The following RORB variants were observed in gnomAD, a reference collection of about 807,000 sequenced individuals.
RORB encodes the protein nuclear receptor ROR-beta.
RORB carries 6 observed loss-of-function variants against 59.1 expected under a neutral mutation model. That is an observed-to-expected ratio of 0.10 (90% CI 0.06 to 0.20). RORB has a LOEUF of 0.20. Ranked by LOEUF, RORB falls within the 10% of genes least tolerant of loss-of-function variation. The pLI, the probability that RORB is intolerant of heterozygous loss-of-function variation, is 1.00. For missense variants in RORB, 320 were observed against 560.5 expected (o/e 0.57, Z 4.33); for synonymous variants, 215 against 204.5 (o/e 1.05, Z -0.44).
chr9:74,589,254 T>G lies in RORB; in HGVS notation c.8-41028T>G, dbSNP rs78899025. ...ATTAAGGAAGTAGAGAGTTTCAATG[T>G]TTAAATGAAAGAATTTGTGGCCCTA... On this transcript the variant is annotated intron_variant, in intron 1 of 9. Transcript: ENST00000376896. Among the ~76,000 whole-genome samples, 1,507 of 152,326 alleles carry G rather than the reference T, an allele frequency of 9.9e-3. 20 individuals are homozygous for G. Among genetic ancestry groups the G allele is most frequent in the African/African-American group, 0.034 (1,398 of 41,574 alleles).
intron 1 of RORB, among the ~76,000 whole-genome samples, chr9:74,524,837 A>C (rs556017894): frequency 1.4e-4 from 22 of 151,964 alleles, no homozygotes; most frequent in Non-Finnish European, 2.7e-4. Context: ...TTTTTCTTTA[A>C]ATTTGTTAAA....
chr9:74,657,607 CT>C (rs1262295710), intron 4 of RORB, among the ~76,000 whole-genome samples: 1 of 152,196 alleles, frequency 6.6e-6, no homozygotes, highest in Non-Finnish European at 1.5e-5. Context: ...TTTCCTGCCC[CT>C]ACCCCCAGAC....
chr9:74,589,334 G>A (rs1822852903), intron 1 of RORB, among the ~76,000 whole-genome samples: 1 of 152,004 alleles, frequency 6.6e-6, no homozygotes, highest in South Asian at 2.1e-4. Flanking sequence ...TTCCATTCCC[G>A]AAATATGACT....
chr9:74,536,743 A>C (rs1826328226), intron 1 of RORB, among the ~76,000 whole-genome samples: 1 of 152,060 alleles, frequency 6.6e-6, no homozygotes, highest in Non-Finnish European at 1.5e-5. Flanking sequence ...AAATGTAAGA[A>C]ATACAAAAAG....
intron 1 of RORB, among the ~76,000 whole-genome samples, chr9:74,520,643 G>A (rs1826073217): frequency 6.6e-6 from 1 of 151,694 alleles, no homozygotes; most frequent in South Asian, 2.1e-4. Context: ...ATCATTATTT[G>A]ATACATAGCA....
chr9:74,654,303 G>A (rs1016085729), intron 4 of RORB, among the ~76,000 whole-genome samples: 1 of 151,088 alleles, frequency 6.6e-6, no homozygotes, highest in African/African-American at 2.4e-5. Context: ...GGATGGGGTA[G>A]GATATGTAGA....
intron 1 of RORB, among the ~76,000 whole-genome samples, chr9:74,516,066 C>G (rs545178556): frequency 6.6e-6 from 1 of 152,176 alleles, no homozygotes; most frequent in Admixed American, 6.6e-5. Context: ...TAGTTACAAT[C>G]CCAGGCATGG....
chr9:74,643,348 T>C (rs1017213590), intron 4 of RORB, among the ~76,000 whole-genome samples: 4 of 152,226 alleles, frequency 2.6e-5, no homozygotes, highest in African/African-American at 7.2e-5. Context: ...GAATTCCATA[T>C]AGGATTCTGA....
chr9:74,616,981 C>A (rs1016565108), intron 1 of RORB, among the ~76,000 whole-genome samples: 1 of 142,692 alleles, frequency 7.0e-6, no homozygotes, highest in African/African-American at 2.5e-5. Flanking sequence ...CAAATTAAAG[C>A]TGTAGCTTTA....
chr9:74,503,456 T>C (rs1410108657), intron 1 of RORB, among the ~76,000 whole-genome samples: 1 of 151,996 alleles, frequency 6.6e-6, no homozygotes, highest in African/African-American at 2.4e-5. Flanking sequence ...CAATCCAGAC[T>C]TCCAAACTCA....
In RORB at chr9:74,665,595, G is replaced by A; in HGVS notation, c.1000G>A (p.Gly334Ser). The A allele has an allele frequency of 6.3e-7, 1 of 1,597,792 alleles. No individual in the cohort carries two copies. Among genetic ancestry groups the A allele is most frequent in the Non-Finnish European group, 8.6e-7 (1 of 1,166,352 alleles). The stretch of plus-strand genomic sequence containing the variant: ...AGGAATGCAAATGTTCAAAGCCTTA[G>A]GTAAGTTTCCCTTTGATGAGGACAC... ...YGGMQMFKAL[G>S]SDDLVNEAFD... The change falls in exon 7 of 10, where the codon GGT (glycine) becomes AGT (serine). Residue 334 changes from glycine to serine, a missense_variant and splice_region_variant. Around this residue, in one of 4 missense-constraint regions of RORB, gnomAD observed 109 missense variants for 171.0 expected, o/e 0.64. Coordinates refer to ENST00000376896, the MANE Select transcript of RORB (RefSeq NM_006914.4).
chr9:74,628,155 G>A lies in RORB; in HGVS notation c.8-2127G>A, dbSNP rs143805843. 7.0e-3 allele frequency among the ~76,000 whole-genome samples: 1,068 copies of A among 152,154 alleles called. 6 individuals carry two copies. The highest frequency in any genetic ancestry group is 0.01 in the Non-Finnish European group (699 of 67,974). On this transcript the variant is annotated intron_variant, in intron 1 of 9. Transcript: ENST00000376896. ...GACTGGAGTCCAGAAGGACAGAATA[G>A]AATAACATCAAATCTCATATTTTTC...
chr9:74,613,156 T>C (rs1272885669), intron 1 of RORB, among the ~76,000 whole-genome samples: 3 of 152,320 alleles, frequency 2.0e-5, no homozygotes, highest in Middle Eastern at 3.4e-3. Flanking sequence ...AAGATTCATA[T>C]TGAACTATGT....
In RORB at chr9:74,627,268, C is replaced by T. The variant is rs1190930918; in HGVS notation, c.8-3014C>T. On this transcript the variant is annotated intron_variant, in intron 1 of 9. Coordinates refer to ENST00000376896, the MANE Select transcript of RORB (RefSeq NM_006914.4). ...AGTATTTTAAATGACTTAAATTTAC[C>T]TTTACCTATCATAAACCTCGGATGA... 3.3e-5 allele frequency among the ~76,000 whole-genome samples: 5 copies of T among 152,006 alleles called. No individual in the cohort carries two copies. In the East Asian group the frequency reaches 9.7e-4, roughly 29 times the overall value.
At position 74,686,836 on chromosome 9, in the gene RORB, A is replaced by G. The variant is rs144743045; in HGVS notation, c.*1218A>G. ...GCAATAAAGGGGGAGGCATATTATA[A>G]AATGCTATAATATAAAAATGTAGCA... On this transcript the variant is annotated 3_prime_UTR_variant, in exon 10 of 10. Transcript: ENST00000376896. The G allele has an allele frequency of 8.7e-4, 133 of 152,702 alleles. No homozygotes were observed. The highest frequency in any genetic ancestry group is 1.6e-3 in the Non-Finnish European group (107 of 68,008). 9.5% of individuals were successfully genotyped at this position (152,702 alleles called of 1,614,324 possible). A position where few individuals can be genotyped will look rare whatever the true frequency, so the allele number is the denominator to read the frequency against.
intron 1 of RORB, among the ~76,000 whole-genome samples, chr9:74,600,466 T>C (rs975054815): frequency 6.6e-6 from 1 of 152,208 alleles, no homozygotes; most frequent in Non-Finnish European, 1.5e-5. Flanking sequence ...AATGAAGATG[T>C]AGAAAACTTC....
chr9:74,688,426 T>C lies in RORB; in HGVS notation c.*2808T>C, dbSNP rs1824683694. The stretch of plus-strand genomic sequence containing the variant: ...TTGTACCTACAATCCCAGAACTTGG[T>C]TCCTTCCCCATGAGGACTAACAAAT... On this transcript the variant is annotated 3_prime_UTR_variant, in exon 10 of 10. Transcript: ENST00000376896. 6.6e-6 allele frequency: 1 copy of C among 152,146 alleles called. No homozygotes were observed. Among genetic ancestry groups the C allele is most frequent in the Non-Finnish European group, 1.5e-5 (1 of 68,032 alleles). 9.4% of individuals were successfully genotyped at this position (152,146 alleles called of 1,614,324 possible). A position where few individuals can be genotyped will look rare whatever the true frequency, so the allele number is the denominator to read the frequency against.
chr9:74,567,030 C>A (rs535178299), intron 1 of RORB, among the ~76,000 whole-genome samples: 44 of 151,656 alleles, frequency 2.9e-4, no homozygotes, highest in African/African-American at 1.1e-3. Flanking sequence ...GCCCACCCCA[C>A]CCTTTTTTTT....
At chr9:74,577,861 T>C (rs1262299096) in intron 1 of RORB, among the ~76,000 whole-genome samples, 4 of 152,122 alleles carry the variant, frequency 2.6e-5, no homozygotes, top group Non-Finnish European at 5.9e-5. Context: ...ATTGCTTTTG[T>C]TCAATTTGGT....
Sources: allele counts gnomAD v4.1 joint callset (sites outside exome capture counted in the v4.1 genomes callset), GRCh38; gene constraint gnomAD v4.1.1; regional missense constraint gnomAD v4.1.1; transcripts MANE v1.5; gene names NCBI Gene and HGNC (gene_info 2026-07-23, HGNC 2026-07-21).